The following ANGPT1 variants were observed in gnomAD, a reference collection of about 807,000 sequenced individuals.
ANGPT1 encodes angiopoietin-1.
Under a neutral mutation model 62.2 loss-of-function variants are expected in ANGPT1, and 17 were observed. The ratio of observed to expected loss-of-function variants is 0.27; its 90% CI spans 0.19 to 0.41. ANGPT1 has a LOEUF of 0.41. ANGPT1 is among the 10% of genes least tolerant of loss of function. ANGPT1 has a pLI of 1.00. For missense variants in ANGPT1, 478 were observed against 594.9 expected (o/e 0.80, Z 2.04); for synonymous variants, 199 against 198.9 (o/e 1.00, Z 0.00).
intron 3 of ANGPT1, among the ~76,000 whole-genome samples, chr8:107,325,650 A>G (rs746051830): frequency 9.2e-5 from 14 of 152,208 alleles, no homozygotes; most frequent in Non-Finnish European, 1.6e-4. Flanking sequence ...TCTGTAAAAT[A>G]TAAAATGACA....
intron 4 of ANGPT1, among the ~76,000 whole-genome samples, chr8:107,315,814 T>C (rs756607045): frequency 5.9e-5 from 9 of 152,206 alleles, no homozygotes; most frequent in Middle Eastern, 3.4e-3. Context: ...AAAGGAAAAA[T>C]AGCCGTTTGC....
intron 5 of ANGPT1, chr8:107,294,486 AAATAT>A (rs1344943341): frequency 1.3e-5 from 2 of 153,080 alleles, no homozygotes; most frequent in African/African-American, 4.8e-5. Context: ...AAAATTTTTA[AAATAT>A]AATGTCTTTA....
intron 1 of ANGPT1, among the ~76,000 whole-genome samples, chr8:107,430,033 G>GA (rs1369333293): frequency 1.2e-4 from 18 of 147,248 alleles, no homozygotes; most frequent in Admixed American, 3.4e-4. Flanking sequence ...ACATACATAT[G>GA]AATCAACTTT....
chr8:107,304,746 C>T (rs1814675045), intron 4 of ANGPT1, among the ~76,000 whole-genome samples: 1 of 151,652 alleles, frequency 6.6e-6, no homozygotes, highest in Non-Finnish European at 1.5e-5. Flanking sequence ...AGATATGTTG[C>T]CACAGCAGAA....
chr8:107,490,058 G>A (rs968586936), intron 1 of ANGPT1, among the ~76,000 whole-genome samples: 15 of 152,158 alleles, frequency 9.9e-5, no homozygotes, highest in Non-Finnish European at 1.9e-4. Context: ...GCAAATTATA[G>A]CACAGGGGCT....
rs1586157496 is a variant in ANGPT1 at position 107,249,489 on chromosome 8, A to C, written c.*2366T>G. 6.6e-6 allele frequency: 1 copy of C among 152,234 alleles called. No individual in the cohort carries two copies. Among genetic ancestry groups the C allele is most frequent in the Non-Finnish European group, 1.5e-5 (1 of 68,044 alleles). The allele number at this position is 152,234 out of a possible 1,614,324, so 9.4% of individuals were successfully genotyped here. ...ATTAAAAATAAAATGAAGTTGCACA[A>C]ATATTACTTTCAATTTTATTTAAAT... On this transcript the variant is annotated 3_prime_UTR_variant, in exon 9 of 9. Transcript: ENST00000517746.
chr8:107,392,047 A>G (rs1026556280), intron 1 of ANGPT1, among the ~76,000 whole-genome samples: 3 of 152,202 alleles, frequency 2.0e-5, no homozygotes, highest in African/African-American at 7.2e-5. Context: ...TTGTATTTTT[A>G]AAAATAATAA....
At chr8:107,474,904 G>A (rs908980506) in intron 1 of ANGPT1, among the ~76,000 whole-genome samples, 1 of 152,050 alleles carries the variant, frequency 6.6e-6, no homozygotes, top group Admixed American at 6.6e-5. Flanking sequence ...TTTAAGGAGA[G>A]CTACAACCCA....
intron 7 of ANGPT1, 29 bp from the exon 8 acceptor site, chr8:107,264,380 T>C (rs970781125): frequency 1.9e-6 from 3 of 1,607,756 alleles, no homozygotes; most frequent in Admixed American, 1.7e-5. Context: ...AAAAGAAAGA[T>C]AAGCCATTCG....
At chr8:107,441,822 A>G (rs1811484719) in intron 1 of ANGPT1, among the ~76,000 whole-genome samples, 1 of 152,134 alleles carries the variant, frequency 6.6e-6, no homozygotes, top group African/African-American at 2.4e-5. Context: ...CGCATGGCTC[A>G]TGCCTGTAAT....
intron 1 of ANGPT1, among the ~76,000 whole-genome samples, chr8:107,459,680 A>G (rs1812016409): frequency 6.6e-6 from 1 of 152,188 alleles, no homozygotes; most frequent in Admixed American, 6.5e-5. Context: ...TAAGCTTTAG[A>G]CTTCTTCGGT....
chr8:107,437,000 T>A (rs1212482462), intron 1 of ANGPT1, among the ~76,000 whole-genome samples: 1 of 152,240 alleles, frequency 6.6e-6, no homozygotes, highest in Non-Finnish European at 1.5e-5. Context: ...AATTTTATTA[T>A]TAGTATCTCT....
chr8:107,361,044 C>T (rs1816150817), intron 1 of ANGPT1, among the ~76,000 whole-genome samples: 1 of 152,190 alleles, frequency 6.6e-6, no homozygotes, highest in Admixed American at 6.5e-5. Context: ...ACAGAGACAT[C>T]ATCTTCACGT....
At chr8:107,346,467 G>A (rs1304852520) in intron 2 of ANGPT1, among the ~76,000 whole-genome samples, 2 of 152,096 alleles carry the variant, frequency 1.3e-5, no homozygotes, top group South Asian at 2.1e-4. Context: ...GGCCCTAATA[G>A]GTAGATATAT....
intron 1 of ANGPT1, among the ~76,000 whole-genome samples, chr8:107,496,803 T>G (rs1371556671): frequency 5.9e-5 from 9 of 152,216 alleles, no homozygotes; most frequent in Non-Finnish European, 1.3e-4. Context: ...TGTTAATTTT[T>G]ATAAAGGTTA....
chr8:107,283,149 C>G (rs79461373), intron 7 of ANGPT1, among the ~76,000 whole-genome samples: 1 of 152,128 alleles, frequency 6.6e-6, no homozygotes, highest in East Asian at 1.9e-4. Context: ...TGACATTAGC[C>G]AAGTTTCATA....
intron 1 of ANGPT1, among the ~76,000 whole-genome samples, chr8:107,351,797 G>A (rs942735012): frequency 6.6e-6 from 1 of 151,958 alleles, no homozygotes; most frequent in Non-Finnish European, 1.5e-5. Context: ...AGTAACATAA[G>A]TTTATTTTGT....
At chr8:107,479,726 T>A (rs1812626617) in intron 1 of ANGPT1, among the ~76,000 whole-genome samples, 1 of 152,174 alleles carries the variant, frequency 6.6e-6, no homozygotes, top group African/African-American at 2.4e-5. Context: ...ATTTTTATGA[T>A]TTTTAATGAT....
chr8:107,410,807 T>A (rs767586022), intron 1 of ANGPT1, among the ~76,000 whole-genome samples: 1 of 152,200 alleles, frequency 6.6e-6, no homozygotes, highest in African/African-American at 2.4e-5. Flanking sequence ...AAATCTTAGC[T>A]TTTTTAAATG....
Sources: gnomAD v4.1 joint callset for allele counts (sites outside exome capture counted in the v4.1 genomes callset) on GRCh38, gnomAD v4.1.1 for gene constraint, MANE v1.5 for transcripts, NCBI Gene and HGNC (gene_info 2026-07-23, HGNC 2026-07-21) for gene names.